SOAT1: variants seen among roughly 807,000 people sequenced by gnomAD.
SOAT1 encodes the protein sterol O-acyltransferase 1.
SOAT1 carries 55 observed loss-of-function variants against 69.5 expected under a neutral mutation model. That is an observed-to-expected ratio of 0.79 (90% CI 0.64 to 0.99). The LOEUF is 0.99. SOAT1 is among the 50% of genes least tolerant of loss of function. The probability of loss-of-function intolerance (pLI) is 0.00; values close to 1 mark genes in which losing one functional copy is unlikely to be tolerated. For synonymous variants in SOAT1, 231 were observed against 224.7 expected, an observed-to-expected ratio of 1.03 and a Z score of -0.25; for missense variants, 580 against 669.3, an observed-to-expected ratio of 0.87 and a Z score of 1.47.
chr1:179,307,909 A>G (rs968483005), intron 2 of SOAT1, among the ~76,000 whole-genome samples: 15 of 151,306 alleles, frequency 9.9e-5, no homozygotes, highest in African/African-American at 3.7e-4. Context: ...CTCCTCCCTC[A>G]GCCTCCCAAG....
At chr1:179,324,051 A>T (rs1665698705) in intron 3 of SOAT1, among the ~76,000 whole-genome samples, 1 of 152,044 alleles carries the variant, frequency 6.6e-6, no homozygotes, top group African/African-American at 2.4e-5. Context: ...TCCAAAGCAA[A>T]CTCCTGTTTT....
intron 15 of SOAT1, among the ~76,000 whole-genome samples, chr1:179,352,468 T>C (rs1016221944): frequency 1.4e-5 from 2 of 145,252 alleles, no homozygotes; most frequent in African/African-American, 5.0e-5. Flanking sequence ...GCGTGTCCTA[T>C]ATTTAACATT....
chr1:179,298,854 C>G (rs1408090154), intron 1 of SOAT1, among the ~76,000 whole-genome samples: 1 of 152,144 alleles, frequency 6.6e-6, no homozygotes, highest in African/African-American at 2.4e-5. Flanking sequence ...TTTGCACCAT[C>G]ATAAAGTTGA....
In SOAT1 at chr1:179,317,789, A is replaced by G. The variant is rs78819685; in HGVS notation, c.119-5648A>G. Among the ~76,000 whole-genome samples, 743 of 152,238 alleles carry G rather than the reference A, an allele frequency of 4.9e-3. 7 individuals are homozygous for G. Among genetic ancestry groups the G allele is most frequent in the African/African-American group, 0.017 (711 of 41,534 alleles). The stretch of plus-strand genomic sequence containing the variant: ...TCTGATGTTTCTCGGTTCCCATAAT[A>G]TAACAGATGACTTGACACTTTATTA... On this transcript the variant is annotated intron_variant, in intron 2 of 15. Transcript: ENST00000367619.
intron 3 of SOAT1, among the ~76,000 whole-genome samples, chr1:179,328,348 C>A (rs1396381046): frequency 6.6e-6 from 1 of 152,194 alleles, no homozygotes; most frequent in Non-Finnish European, 1.5e-5. Context: ...ATTAATATAT[C>A]TCACAGAATC....
intron 8 of SOAT1, 34 bp from the exon 9 acceptor site, chr1:179,342,828 A>G (rs1353282353): frequency 2.7e-6 from 4 of 1,504,458 alleles, no homozygotes; most frequent in African/African-American, 2.7e-5. Flanking sequence ...AAAATCAAAG[A>G]GCCTTTGCTC....
intron 3 of SOAT1, among the ~76,000 whole-genome samples, chr1:179,332,997 A>AGAG (rs1156914218): frequency 3.3e-5 from 5 of 152,238 alleles, no homozygotes; most frequent in Admixed American, 3.3e-4. Flanking sequence ...CCTCAGAGAA[A>AGAG]GAGGAGAAGG....
At chr1:179,344,126 A>G (rs1019690708) in intron 10 of SOAT1, among the ~76,000 whole-genome samples, 2 of 152,154 alleles carry the variant, frequency 1.3e-5, no homozygotes, top group Admixed American at 6.5e-5. Flanking sequence ...ATCTAAAAAA[A>G]AAAAGAATGT....
At chr1:179,349,372 G>A (rs545753186) in intron 13 of SOAT1, among the ~76,000 whole-genome samples, 12 of 134,826 alleles carry the variant, frequency 8.9e-5, no homozygotes, top group African/African-American at 3.3e-4. Context: ...TTGTTGCCCA[G>A]GCTGGAGTGC....
intron 2 of SOAT1, among the ~76,000 whole-genome samples, chr1:179,313,959 C>G (rs1265254649): frequency 6.6e-6 from 1 of 152,172 alleles, no homozygotes; most frequent in East Asian, 1.9e-4. Flanking sequence ...ATAAGCTTCC[C>G]TTAGGCCAAA....
At position 179,350,296 on chromosome 1, in the gene SOAT1, T is replaced by G. The variant is rs1490834779; in HGVS notation, c.1315T>G (p.Phe439Val). The G allele has an allele frequency of 1.2e-6, 2 of 1,610,872 alleles. No homozygotes were observed. The highest frequency in any genetic ancestry group is 1.7e-6 in the Non-Finnish European group (2 of 1,179,232). ...TTGTAGTGTTTTCCTTTTTCTTTAG[T>G]TTTTCTCCAAGAGATTCAAATCTGC... ...YYYAYKDFLW[F>V]FSKRFKSAAM... Residue 439 changes from phenylalanine (F) to valine (V), a missense_variant and splice_region_variant, in exon 14 of 16, where the codon TTT becomes GTT. Coordinates refer to ENST00000367619, the MANE Select transcript of SOAT1 (RefSeq NM_003101.6).
intron 2 of SOAT1, among the ~76,000 whole-genome samples, chr1:179,320,155 G>C (rs535774994): frequency 6.6e-6 from 1 of 152,032 alleles, no homozygotes; most frequent in South Asian, 2.1e-4. Context: ...CTAGTCCAAG[G>C]CCTGTTTTCT....
chr1:179,315,532 T>A (rs773911075), intron 2 of SOAT1, among the ~76,000 whole-genome samples: 10 of 152,230 alleles, frequency 6.6e-5, no homozygotes, highest in Non-Finnish European at 1.2e-4. Flanking sequence ...ATCTAATTTT[T>A]AAATTTTAAA....
intron 1 of SOAT1, among the ~76,000 whole-genome samples, chr1:179,295,966 ATTTTTTTTTTTTTTTT>A (rs58893158): frequency 2.5e-4 from 13 of 52,022 alleles, no homozygotes; most frequent in Non-Finnish European, 3.3e-4. Flanking sequence ...CGCCCGGCTA[ATTTTTTTTTTTTTTTT>A]TTTTTTTTTT....
At position 179,316,672 on chromosome 1, in the gene SOAT1, C is replaced by T. The variant is rs759995816; in HGVS notation, c.119-6765C>T. 1.1e-4 allele frequency among the ~76,000 whole-genome samples: 17 copies of T among 152,188 alleles called. 1 individual carries two copies. The highest frequency in any genetic ancestry group is 2.1e-4 in the Non-Finnish European group (14 of 68,042). On this transcript the variant is annotated intron_variant, in intron 2 of 15. Transcript: ENST00000367619. ...CTTCCCACAGTGCTGGGATTACAGG[C>T]GTGAGCCACCACGCCTGGCACTAAG...
intron 13 of SOAT1, 117 bp from the exon 14 acceptor site, chr1:179,350,179 T>TG: frequency 1.3e-6 from 1 of 760,184 alleles, no homozygotes; most frequent in Non-Finnish European, 2.1e-6. Flanking sequence ...GGAGTAGACT[T>TG]AGAAAATTAA....
intron 1 of SOAT1, among the ~76,000 whole-genome samples, chr1:179,299,031 A>G (rs1488758719): frequency 6.6e-6 from 1 of 152,178 alleles, no homozygotes; most frequent in Non-Finnish European, 1.5e-5. Flanking sequence ...TGTAATCCCT[A>G]TCTTTGAGAA....
At chr1:179,333,541 A>T (rs146226865) in intron 3 of SOAT1, among the ~76,000 whole-genome samples, 1 of 152,140 alleles carries the variant, frequency 6.6e-6, no homozygotes, top group African/African-American at 2.4e-5. Context: ...ATCTCTATTT[A>T]AAAAGGTAAA....
chr1:179,317,692 T>C (rs1231006234), intron 2 of SOAT1, among the ~76,000 whole-genome samples: 2 of 151,978 alleles, frequency 1.3e-5, no homozygotes, highest in Admixed American at 6.6e-5. Flanking sequence ...TGGTTTTCTG[T>C]TTCACAGTTT....
Sources: allele counts gnomAD v4.1 joint callset (sites outside exome capture counted in the v4.1 genomes callset), GRCh38; gene constraint gnomAD v4.1.1; transcripts MANE v1.5; gene names NCBI Gene and HGNC (gene_info 2026-07-23, HGNC 2026-07-21).